IPO9: variants seen among roughly 807,000 people sequenced by gnomAD.
IPO9 encodes the protein importin-9.
IPO9 carries 28 observed loss-of-function variants against 128.6 expected under a neutral mutation model. The ratio of observed to expected loss-of-function variants is 0.22; its 90% CI spans 0.16 to 0.30. The LOEUF is 0.30. IPO9 is among the 10% of genes least tolerant of loss of function. The pLI is 1.00. For synonymous variants in IPO9, 455 were observed against 475.8 expected (o/e 0.96, Z 0.57); for missense variants, 935 against 1,293.9 (o/e 0.72, Z 4.26).
chr1:201,848,137 C>G (rs950342128), intron 3 of IPO9, among the ~76,000 whole-genome samples: 4 of 152,156 alleles, frequency 2.6e-5, no homozygotes, highest in Non-Finnish European at 5.9e-5. Flanking sequence ...GGGGCTAGTG[C>G]AACTGAGGAA....
chr1:201,847,399 C>T (rs936307781), intron 2 of IPO9, 59 bp downstream of exon 2: 8 of 1,525,890 alleles, frequency 5.2e-6, no homozygotes, highest in African/African-American at 1.4e-5. Flanking sequence ...ATGAAACTTT[C>T]TTATAGGAAA....
In IPO9 at chr1:201,875,262, A is replaced by G. The variant is rs200071019; in HGVS notation, c.3015+34A>G. The stretch of plus-strand genomic sequence containing the variant: ...GTCCAGAGATATCTTGCAAATGACA[A>G]TGTCCCAGGCCATGGAAACAGGAAT... On this transcript the variant is annotated intron_variant, in intron 23 of 23. Transcript: ENST00000361565. 1.6e-4 allele frequency: 249 copies of G among 1,563,624 alleles called. No homozygotes were observed. In the African/African-American group the frequency reaches 2.6e-3, roughly 17 times the overall value.
intron 1 of IPO9, among the ~76,000 whole-genome samples, chr1:201,839,862 A>G (rs1490891121): frequency 1.3e-5 from 2 of 152,196 alleles, no homozygotes; most frequent in African/African-American, 4.8e-5. Flanking sequence ...CCACATAAAA[A>G]ATCAAGAGAC....
At chr1:201,830,441 A>T (rs1679813100) in intron 1 of IPO9, among the ~76,000 whole-genome samples, 1 of 152,240 alleles carries the variant, frequency 6.6e-6, no homozygotes, top group Admixed American at 6.5e-5. Flanking sequence ...CTTTCACAGT[A>T]TGAAAGAGCT....
At chr1:201,854,525 G>A in intron 6 of IPO9, 70 bp from the exon 7 acceptor site, 1 of 1,571,506 alleles carries the variant, frequency 6.4e-7, no homozygotes, top group Non-Finnish European at 8.6e-7. Context: ...AAATATCAGT[G>A]TTTGATATAT....
At chr1:201,864,941 T>A (rs998423497) in intron 14 of IPO9, among the ~76,000 whole-genome samples, 1 of 152,228 alleles carries the variant, frequency 6.6e-6, no homozygotes, top group Non-Finnish European at 1.5e-5. Flanking sequence ...GTAACAGATA[T>A]CTCTGTAGGA....
intron 14 of IPO9, among the ~76,000 whole-genome samples, chr1:201,865,776 A>G (rs1055161799): frequency 6.6e-6 from 1 of 152,226 alleles, no homozygotes; most frequent in Non-Finnish European, 1.5e-5. Flanking sequence ...TATCATGTCC[A>G]ATATGATACA....
intron 18 of IPO9, 70 bp from the exon 19 acceptor site, chr1:201,871,091 C>A: frequency 6.8e-7 from 1 of 1,474,290 alleles, no homozygotes; most frequent in Non-Finnish European, 9.4e-7. Context: ...ATCTGACTGG[C>A]CAGTTCCCTC....
chr1:201,856,246 C>T (rs1329148877), intron 10 of IPO9, among the ~76,000 whole-genome samples: 1 of 150,304 alleles, frequency 6.7e-6, no homozygotes, highest in Non-Finnish European at 1.5e-5. Context: ...GCTGGGATTA[C>T]AGGCATGAGT....
At chr1:201,841,452 G>A (rs59723390) in intron 1 of IPO9, among the ~76,000 whole-genome samples, 7 of 152,164 alleles carry the variant, frequency 4.6e-5, no homozygotes, top group Non-Finnish European at 2.9e-5. Flanking sequence ...TGGCATCTGG[G>A]CTATCAGTCA....
intron 1 of IPO9, among the ~76,000 whole-genome samples, chr1:201,834,638 C>G (rs570660405): frequency 6.6e-6 from 1 of 152,334 alleles, no homozygotes; most frequent in East Asian, 1.9e-4. Context: ...TCTTACATAA[C>G]TAGATTTAGA....
At chr1:201,853,202 G>T (rs1418837324) in intron 6 of IPO9, 105 bp downstream of exon 6, 1 of 828,366 alleles carries the variant, frequency 1.2e-6, no homozygotes, top group Non-Finnish European at 2.1e-6. Context: ...ACACTAACCA[G>T]TATTAGAGAT....
At chr1:201,843,143 A>G (rs896808163) in intron 1 of IPO9, among the ~76,000 whole-genome samples, 1 of 152,212 alleles carries the variant, frequency 6.6e-6, no homozygotes, top group African/African-American at 2.4e-5. Flanking sequence ...CCCTTCAGAT[A>G]GGGTTAGGTT....
At position 201,829,386 on chromosome 1, in the gene IPO9, G is replaced by C; in HGVS notation, c.163+14G>C. The C allele has an allele frequency of 6.4e-7, 1 of 1,551,288 alleles. No homozygotes were observed. Among genetic ancestry groups the C allele is most frequent in the Non-Finnish European group, 8.7e-7 (1 of 1,149,184 alleles). On this transcript the variant is annotated intron_variant, in intron 1 of 23. Coordinates refer to ENST00000361565, the MANE Select transcript of IPO9 (RefSeq NM_018085.5). ...AGGTGACGGAGGGTGAGTGAGGCGGGACCGTCACGAGGATGGCTCAGCCGC... is the reference window on the plus strand; with the variant it reads ...AGGTGACGGAGGGTGAGTGAGGCGGCACCGTCACGAGGATGGCTCAGCCGC...
At chr1:201,851,426 T>C (rs1680215209) in intron 4 of IPO9, among the ~76,000 whole-genome samples, 2 of 152,034 alleles carry the variant, frequency 1.3e-5, no homozygotes, top group South Asian at 2.1e-4. Flanking sequence ...CCAGGGTCCT[T>C]TGTGCTGTCT....
At chr1:201,875,261 A>G (rs554839607) in intron 23 of IPO9, 33 bp downstream of exon 23, 7 of 1,568,526 alleles carry the variant, frequency 4.5e-6, no homozygotes, top group Admixed American at 1.7e-5. Context: ...TGCAAATGAC[A>G]ATGTCCCAGG....
chr1:201,847,882 G>T (rs1680149383), intron 3 of IPO9, among the ~76,000 whole-genome samples: 1 of 152,144 alleles, frequency 6.6e-6, no homozygotes, highest in Non-Finnish European at 1.5e-5. Flanking sequence ...TAACACCTAA[G>T]CCTCAATTTC....
At chr1:201,858,205 A>G (rs1009753373) in intron 11 of IPO9, among the ~76,000 whole-genome samples, 1 of 152,256 alleles carries the variant, frequency 6.6e-6, no homozygotes, top group Non-Finnish European at 1.5e-5. Flanking sequence ...TCTGCTGAAT[A>G]TAGCCAAAGG....
At position 201,870,538 on chromosome 1, in the gene IPO9, C is replaced by T. The variant is rs373106846; in HGVS notation, c.2134-45C>T. On this transcript the variant is annotated intron_variant, in intron 17 of 23. Transcript: ENST00000361565. This position sits in a 1 kb window ranked among gnomAD's most constrained non-coding sequence, Gnocchi z 4.9. Reference sequence around the variant, plus strand: ...ATACAGACTGAGGGCCTTCTGGCATCTGTCCCTCGATTACTAATCTTGCTT... The same window carrying T: ...ATACAGACTGAGGGCCTTCTGGCATTTGTCCCTCGATTACTAATCTTGCTT... 11 of 1,584,168 alleles carry T rather than the reference C, an allele frequency of 6.9e-6. No individual in the cohort carries two copies. Among genetic ancestry groups the T allele is most frequent in the Admixed American group, 1.7e-5 (1 of 57,920 alleles).
Sources: gnomAD v4.1 joint callset for allele counts (sites outside exome capture counted in the v4.1 genomes callset) on GRCh38, gnomAD v4.1.1 for gene constraint, Gnocchi (gnomAD v3.1) non-coding constraint, MANE v1.5 for transcripts, NCBI Gene and HGNC (gene_info 2026-07-23, HGNC 2026-07-21) for gene names.